TRIP12: variants seen among roughly 807,000 people sequenced by gnomAD.
The protein encoded by TRIP12 is thyroid hormone receptor interactor 12.
TRIP12 carries 25 observed loss-of-function variants against 244.2 expected under a neutral mutation model. The ratio of observed to expected loss-of-function variants is 0.10; its 90% CI spans 0.07 to 0.14. The LOEUF is 0.14. Ranked by LOEUF, TRIP12 falls within the 10% of genes least tolerant of loss-of-function variation. TRIP12 has a pLI of 1.00. For missense variants in TRIP12, 1,677 were observed against 2,486.4 expected (o/e 0.67, Z 6.92); for synonymous variants, 905 against 873.1 (o/e 1.04, Z -0.64).
chr2:229,791,851 A>T lies in TRIP12; in HGVS notation c.4415+15T>A. 6.2e-7 allele frequency: 1 copy of T among 1,605,936 alleles called. No individual in the cohort carries two copies. Among genetic ancestry groups the T allele is most frequent in the Non-Finnish European group, 8.5e-7 (1 of 1,177,662 alleles). The stretch of plus-strand genomic sequence containing the variant: ...AAGTTTATGAAAAAACAAAAGAAAG[A>T]ATTTTCAGACTTGCCATATTGTATG... On this transcript the variant is annotated intron_variant, in intron 29 of 41. Transcript: ENST00000675903.
chr2:229,799,976 T>C (rs1387657586), intron 21 of TRIP12, among the ~76,000 whole-genome samples: 4 of 152,120 alleles, frequency 2.6e-5, no homozygotes, highest in African/African-American at 9.7e-5. Flanking sequence ...CCACTTTAAA[T>C]AGTAGTATAT....
At position 229,766,026 on chromosome 2, in the gene TRIP12, T is replaced by C. The variant is rs1019531249; in HGVS notation, c.*1528A>G. 2 of 152,056 alleles carry C rather than the reference T, an allele frequency of 1.3e-5. No homozygotes were observed. The highest frequency in any genetic ancestry group is 2.4e-5 in the African/African-American group (1 of 41,388). 9.4% of individuals were successfully genotyped at this position (152,056 alleles called of 1,614,324 possible). On this transcript the variant is annotated 3_prime_UTR_variant, in exon 42 of 42. Coordinates refer to ENST00000675903, the MANE Select transcript of TRIP12 (RefSeq NM_001348323.3). Reference sequence around the variant, plus strand: ...AACAAGCCACTGAGTTTCTTTTGGGTGGTGGGATAGGGAAAAGGGCTTTTG... The same window carrying C: ...AACAAGCCACTGAGTTTCTTTTGGGCGGTGGGATAGGGAAAAGGGCTTTTG...
intron 9 of TRIP12, among the ~76,000 whole-genome samples, chr2:229,816,194 T>C (rs147454624): frequency 6.6e-6 from 1 of 152,246 alleles, no homozygotes; most frequent in African/African-American, 2.4e-5. Flanking sequence ...ACTCACTCAA[T>C]ATGAATGTCT....
chr2:229,808,121 T>A (rs1180459082), intron 16 of TRIP12, 131 bp downstream of exon 16: 17 of 739,048 alleles, frequency 2.3e-5, no homozygotes, highest in Non-Finnish European at 2.6e-5. Flanking sequence ...CGCCCGCCAC[T>A]ACGCCCAGGT....
chr2:229,867,171 G>GTTTGTTTTT (rs1201836319), intron 2 of TRIP12, among the ~76,000 whole-genome samples: 1 of 123,534 alleles, frequency 8.1e-6, no homozygotes, highest in Non-Finnish European at 1.6e-5. Flanking sequence ...TTGTTTGTTT[G>GTTTGTTTTT]TTTTTTTTTT....
intron 37 of TRIP12, among the ~76,000 whole-genome samples, 164 bp from the exon 38 acceptor site, chr2:229,774,425 G>C (rs2035567430): frequency 6.6e-6 from 1 of 152,148 alleles, no homozygotes; most frequent in African/African-American, 2.4e-5. Flanking sequence ...ACATATGAAA[G>C]AGTCACTGAG....
intron 25 of TRIP12, 44 bp downstream of exon 25, chr2:229,796,547 G>C (rs773097837): frequency 6.7e-7 from 1 of 1,488,696 alleles, no homozygotes; most frequent in South Asian, 1.4e-5. Context: ...GCATTAGTGA[G>C]CACTGATTCT....
At chr2:229,918,770 C>A (rs954573417) in intron 1 of TRIP12, among the ~76,000 whole-genome samples, 2 of 152,304 alleles carry the variant, frequency 1.3e-5, no homozygotes, top group South Asian at 4.2e-4. Context: ...TTCTCCCCTG[C>A]CCCATGGACC....
chr2:229,895,090 A>T (rs1184736176), intron 1 of TRIP12, among the ~76,000 whole-genome samples: 2 of 152,248 alleles, frequency 1.3e-5, no homozygotes, highest in Non-Finnish European at 2.9e-5. Context: ...GAGAATTATC[A>T]GATCTTAAAA....
intron 37 of TRIP12, among the ~76,000 whole-genome samples, chr2:229,776,416 A>C (rs1347534510): frequency 6.6e-6 from 1 of 152,214 alleles, no homozygotes; most frequent in Admixed American, 6.5e-5. Context: ...AGGTGGACTT[A>C]GCCTCTTTGA....
intron 20 of TRIP12, among the ~76,000 whole-genome samples, 192 bp from the exon 21 acceptor site, chr2:229,802,651 TAAAGGTTAA>T (rs774155427): frequency 3.0e-4 from 46 of 152,174 alleles, no homozygotes; most frequent in Non-Finnish European, 5.6e-4. Flanking sequence ...ATATAAAAAC[TAAAGGTTAA>T]AGAAAAATAC....
intron 26 of TRIP12, among the ~76,000 whole-genome samples, chr2:229,793,857 T>A (rs565098636): frequency 2.3e-3 from 344 of 152,154 alleles, no homozygotes; most frequent in African/African-American, 8.0e-3. Context: ...AGTGTTTTTT[T>A]TTTTTAAGCT....
intron 34 of TRIP12, among the ~76,000 whole-genome samples, chr2:229,783,637 T>C (rs1267055224): frequency 1.3e-5 from 2 of 152,214 alleles, no homozygotes; most frequent in East Asian, 1.9e-4. Flanking sequence ...CAGATAAGTG[T>C]ACACCACATT....
intron 40 of TRIP12, among the ~76,000 whole-genome samples, chr2:229,768,955 A>C (rs1253866797): frequency 6.6e-6 from 1 of 152,254 alleles, no homozygotes; most frequent in South Asian, 2.1e-4. Context: ...TTTCTGCTTT[A>C]CTATATGTAA....
intron 34 of TRIP12, 48 bp downstream of exon 34, chr2:229,785,709 T>A (rs1047856810): frequency 6.5e-7 from 1 of 1,535,392 alleles, no homozygotes; most frequent in Non-Finnish European, 8.9e-7. Flanking sequence ...AACATTTAAT[T>A]AAGAGCACAA....
intron 3 of TRIP12, among the ~76,000 whole-genome samples, 190 bp from the exon 4 acceptor site, chr2:229,859,764 T>C (rs1465542086): frequency 6.6e-6 from 1 of 152,170 alleles, no homozygotes; most frequent in Admixed American, 6.5e-5. Context: ...CTTTGGATAC[T>C]AAAATATCTG....
Position 229,795,042 on chromosome 2 carries a change from T to G in TRIP12, c.3968+137A>C, listed in dbSNP as rs1441645399. 7 of 958,230 alleles carry G rather than the reference T, an allele frequency of 7.3e-6. No homozygotes were observed. In the South Asian group the frequency reaches 1.3e-4, roughly 18 times the overall value. The allele number at this position is 958,230 out of a possible 1,614,324, so 59.4% of individuals were successfully genotyped here. ...AAAGCATTTGATTCATTCTTTAGAG[T>G]GCTTAATTTCTTTCATCATTACAGC... On this transcript the variant is annotated intron_variant, in intron 26 of 41. Coordinates refer to ENST00000675903, the MANE Select transcript of TRIP12 (RefSeq NM_001348323.3).
chr2:229,898,631 T>C (rs149308053), intron 1 of TRIP12, among the ~76,000 whole-genome samples: 2 of 152,340 alleles, frequency 1.3e-5, no homozygotes, highest in East Asian at 3.9e-4. Context: ...ATCAACTTTT[T>C]AAGTGATAAT....
chr2:229,905,395 T>C (rs2072452388), intron 1 of TRIP12, among the ~76,000 whole-genome samples: 1 of 151,902 alleles, frequency 6.6e-6, no homozygotes, highest in African/African-American at 2.4e-5. Context: ...AGAGAAGATA[T>C]ATTTTGAAAG....
Sources: gnomAD v4.1 joint callset for allele counts (sites outside exome capture counted in the v4.1 genomes callset) on GRCh38, gnomAD v4.1.1 for gene constraint, MANE v1.5 for transcripts, NCBI Gene and HGNC (gene_info 2026-07-23, HGNC 2026-07-21) for gene names.